Variants in MEGF6 observed in about 807,000 individuals in gnomAD.
The protein encoded by MEGF6 is multiple EGF like domains 6, also known as multiple epidermal growth factor-like domains protein 6.
MEGF6 carries 184 observed loss-of-function variants against 207.1 expected under a neutral mutation model. The observed-to-expected ratio is 0.89, with a 90% CI of 0.79 to 1.00. The LOEUF is 1.00. Ranked by LOEUF, MEGF6 falls within the 50% of genes least tolerant of loss-of-function variation. The pLI, the probability that MEGF6 is intolerant of heterozygous loss-of-function variation, is 0.00. For synonymous variants in MEGF6, 1,038 were observed against 910.0 expected (o/e 1.14, Z -2.53); for missense variants, 2,282 against 2,202.9 (o/e 1.04, Z -0.72).
At chr1:3,589,728 C>T (rs1311101625) in intron 3 of MEGF6, among the ~76,000 whole-genome samples, 9 of 152,214 alleles carry the variant, frequency 5.9e-5, no homozygotes, top group Non-Finnish European at 2.9e-5. Context: ...CCTCCATGAC[C>T]GTATGTCAAG....
intron 17 of MEGF6, among the ~76,000 whole-genome samples, 185 bp downstream of exon 17, chr1:3,505,023 A>G (rs1298187858): frequency 6.6e-6 from 1 of 152,104 alleles, no homozygotes; most frequent in Non-Finnish European, 1.5e-5. Flanking sequence ...CACCACTGCC[A>G]TGTGACAGGC....
chr1:3,506,355 C>T (rs1460642300), intron 14 of MEGF6, 119 bp from the exon 15 acceptor site: 27 of 1,274,190 alleles, frequency 2.1e-5, no homozygotes, highest in Non-Finnish European at 1.7e-5. Flanking sequence ...GAGCAGCCCC[C>T]GCCAGGGCAC....
intron 3 of MEGF6, among the ~76,000 whole-genome samples, chr1:3,585,856 T>A (rs530071672): frequency 3.4e-4 from 45 of 132,874 alleles, no homozygotes; most frequent in Middle Eastern, 5.6e-3. Context: ...ATGAGGACAC[T>A]TGTCCTGTGT....
intron 4 of MEGF6, among the ~76,000 whole-genome samples, chr1:3,538,732 G>A (rs1241153119): frequency 1.4e-5 from 2 of 146,328 alleles, no homozygotes; most frequent in Admixed American, 6.8e-5. Flanking sequence ...GTGTGTGTGT[G>A]TGTGTGTGTG....
intron 4 of MEGF6, among the ~76,000 whole-genome samples, chr1:3,572,473 G>A (rs1180197667): frequency 7.5e-5 from 11 of 147,494 alleles, no homozygotes; most frequent in Non-Finnish European, 7.5e-5. Context: ...GGTGTGCTGG[G>A]TCCTTCCTGG....
chr1:3,554,177 T>C (rs1289771106), intron 4 of MEGF6, among the ~76,000 whole-genome samples: 2 of 152,090 alleles, frequency 1.3e-5, no homozygotes, highest in African/African-American at 2.4e-5. Context: ...CCCCTTGCCA[T>C]GCACCCTGCT....
rs967770026 is a variant in MEGF6, at chr1:3,498,989, G to A, written c.3094+149C>T. Reference sequence around the variant, plus strand: ...CAGCCTCACTCCCCATCCCTGCCTGGAGAGGGGCACAGGTGAAAGGCACGG... The same window carrying A: ...CAGCCTCACTCCCCATCCCTGCCTGAAGAGGGGCACAGGTGAAAGGCACGG... On this transcript the variant is annotated intron_variant, in intron 24 of 36. Coordinates refer to ENST00000356575, the MANE Select transcript of MEGF6 (RefSeq NM_001409.4). 5.7e-6 allele frequency: 8 copies of A among 1,402,150 alleles called. No individual in the cohort carries two copies. In the Admixed American group the frequency reaches 6.3e-5, roughly 11 times the overall value. The allele number at this position is 1,402,150 out of a possible 1,614,324, so 86.9% of individuals were successfully genotyped here.
At position 3,500,965 on chromosome 1, in the gene MEGF6, C is replaced by T; in HGVS notation, c.2575+1G>A. 1 of 1,611,566 alleles carries T rather than the reference C, an allele frequency of 6.2e-7. No homozygotes were observed. The highest frequency in any genetic ancestry group is 1.1e-5 in the South Asian group (1 of 91,006). ...AAAGGGCAAGCCAAGGGCCCCCGTA[C>T]CTCTCTGGCAGCTAAAGCCGGTCCA... On this transcript the variant is annotated splice_donor_variant, in intron 20 of 36. Coordinates refer to ENST00000356575, the MANE Select transcript of MEGF6 (RefSeq NM_001409.4). LOFTEE classifies it high-confidence loss of function.
At chr1:3,618,904 G>A in the MEGF6 span, among the ~76,000 whole-genome samples, 23 of 152,198 alleles carry the variant, frequency 1.5e-4, no homozygotes, top group Non-Finnish European at 3.1e-4. The surrounding 1 kb of genome is among the most constrained non-coding windows in gnomAD (Gnocchi z 4.7). Context: ...CCTCCAACCT[G>A]GGGGAGCTGG....
At chr1:3,503,587 G>A (rs369273307) in intron 17 of MEGF6, among the ~76,000 whole-genome samples, 1 of 152,128 alleles carries the variant, frequency 6.6e-6, no homozygotes, top group African/African-American at 2.4e-5. Flanking sequence ...GGTATAGAGA[G>A]CAGGGACTGG....
rs1335440131 is a variant in MEGF6, at chr1:3,541,294, G to A, written c.482-17048C>T. Among the ~76,000 whole-genome samples the A allele has an allele frequency of 2.6e-5, 4 of 152,116 alleles. 1 individual carries two copies. The South Asian group carries it at 6.2e-4, about 24-fold the overall frequency. ...TCGCACAGGGCTTGCGGAGGCTTTC[G>A]GCCACCATGACCACTCTTCCGGTTC... On this transcript the variant is annotated intron_variant, in intron 4 of 36. Coordinates refer to ENST00000356575, the MANE Select transcript of MEGF6 (RefSeq NM_001409.4).
intron 12 of MEGF6, 37 bp from the exon 13 acceptor site, chr1:3,508,726 A>T: frequency 6.2e-7 from 1 of 1,604,378 alleles, no homozygotes; most frequent in South Asian, 1.1e-5. Context: ...TCAGAGCCTG[A>T]CCCCTGGCCT....
intron 4 of MEGF6, among the ~76,000 whole-genome samples, chr1:3,570,121 G>C (rs1643454905): frequency 1.3e-5 from 2 of 152,234 alleles, no homozygotes; most frequent in African/African-American, 2.4e-5. Flanking sequence ...TGTCGAGGAG[G>C]TGGCCCAGCC....
At chr1:3,548,769 T>G (rs1250607226) in intron 4 of MEGF6, among the ~76,000 whole-genome samples, 2 of 152,058 alleles carry the variant, frequency 1.3e-5, no homozygotes, top group African/African-American at 4.8e-5. Flanking sequence ...CAGCTGGCCA[T>G]GTGAGCACAG....
intron 2 of MEGF6, among the ~76,000 whole-genome samples, chr1:3,601,145 G>A (rs1365363212): frequency 6.6e-6 from 1 of 152,208 alleles, no homozygotes; most frequent in Non-Finnish European, 1.5e-5. Context: ...GGCTAGCCTA[G>A]AGACCACAAT....
chr1:3,564,238 G>A (rs1173229609), intron 4 of MEGF6, among the ~76,000 whole-genome samples: 1 of 151,790 alleles, frequency 6.6e-6, no homozygotes, highest in Non-Finnish European at 1.5e-5. Flanking sequence ...TGGGGGAGCT[G>A]AGTCAGGGGT....
At chr1:3,620,923 C>T in the MEGF6 span, among the ~76,000 whole-genome samples, 2 of 152,222 alleles carry the variant, frequency 1.3e-5, no homozygotes, top group Admixed American at 1.3e-4. Flanking sequence ...ACAGGGGGCC[C>T]TTCCCCGTTT....
At chr1:3,575,338 AG>A in intron 4 of MEGF6, among the ~76,000 whole-genome samples, 1 of 152,264 alleles carries the variant, frequency 6.6e-6, no homozygotes, top group African/African-American at 2.4e-5. Context: ...AAGTCCTCCC[AG>A]GGACAGGGGA....
At chr1:3,527,441 A>G (rs1049140174) in intron 4 of MEGF6, among the ~76,000 whole-genome samples, 5 of 152,212 alleles carry the variant, frequency 3.3e-5, no homozygotes, top group Non-Finnish European at 5.9e-5. Flanking sequence ...GAGGCACAAG[A>G]CACACCCACT....
Sources: allele counts gnomAD v4.1 joint callset (sites outside exome capture counted in the v4.1 genomes callset), GRCh38; gene constraint gnomAD v4.1.1; non-coding constraint Gnocchi (gnomAD v3.1); transcripts MANE v1.5; gene names NCBI Gene and HGNC (gene_info 2026-07-23, HGNC 2026-07-21).